Variants in ATP1B2 observed in about 807,000 individuals in gnomAD.
ATP1B2 encodes the protein sodium/potassium-transporting ATPase subunit beta-2.
In ATP1B2, 12 loss-of-function variants were observed where a neutral mutation model predicts 37.3. The observed-to-expected ratio is 0.32, with a 90% CI of 0.21 to 0.52. The LOEUF is 0.52. Among genes scored for constraint, ATP1B2 ranks in the 20% least tolerant of loss-of-function variants. The pLI is 0.96. For missense variants in ATP1B2, 324 were observed against 391.6 expected, an observed-to-expected ratio of 0.83 and a Z score of 1.46; for synonymous variants, 139 against 140.5, an observed-to-expected ratio of 0.99 and a Z score of 0.07.
chr17:7,654,901 C>G lies in ATP1B2; in HGVS notation c.609+217C>G, dbSNP rs1174345092. The G allele has an allele frequency of 3.5e-6, 2 of 566,678 alleles. No individual in the cohort carries two copies. The highest frequency in any genetic ancestry group is 4.3e-5 in the South Asian group (2 of 46,186). The allele number at this position is 566,678 out of a possible 1,614,324, so 35.1% of individuals were successfully genotyped here. On this transcript the variant is annotated intron_variant, in intron 5 of 6. Coordinates refer to ENST00000250111, the MANE Select transcript of ATP1B2 (RefSeq NM_001678.5). The surrounding 1 kb of genome is among the most constrained non-coding windows in gnomAD (Gnocchi z 4.9). ...CTTGCTTCTCTCTGGGATGCAGAGG[C>G]CTGCTCTCCTAGGGGCCAGACACAC...
Position 7,654,893 on chromosome 17 carries a change from T to C in ATP1B2, c.609+209T>C, listed in dbSNP as rs2072639667. The stretch of plus-strand genomic sequence containing the variant: ...GCACTCCTCTTGCTTCTCTCTGGGA[T>C]GCAGAGGCCTGCTCTCCTAGGGGCC... On this transcript the variant is annotated intron_variant, in intron 5 of 6. Transcript: ENST00000250111. This position sits in a 1 kb window ranked among gnomAD's most constrained non-coding sequence, Gnocchi z 4.9. 2 of 574,772 alleles carry C rather than the reference T, an allele frequency of 3.5e-6. No individual in the cohort carries two copies. The highest frequency in any genetic ancestry group is 3.1e-6 in the Non-Finnish European group (1 of 322,608). The allele number at this position is 574,772 out of a possible 1,614,324, so 35.6% of individuals were successfully genotyped here.
At chr17:7,647,830 A>AG (rs1474022084), upstream of ATP1B2, among the ~76,000 whole-genome samples, 2 of 150,164 alleles carry the variant, frequency 1.3e-5, no homozygotes, top group African/African-American at 4.9e-5. Flanking sequence ...AAAAAAGAAA[A>AG]AAAAAACATG....
At chr17:7,650,704 T>C (rs1314921231), upstream of ATP1B2, among the ~76,000 whole-genome samples, 3 of 152,050 alleles carry the variant, frequency 2.0e-5, no homozygotes, top group Admixed American at 1.3e-4. Flanking sequence ...CCTCTATCTC[T>C]TCCTCCCACC....
At position 7,654,237 on chromosome 17, in the gene ATP1B2, G is replaced by A. The variant is rs2072634829; in HGVS notation, c.532G>A (p.Val178Ile). 3 of 1,614,014 alleles carry A rather than the reference G, an allele frequency of 1.9e-6. No homozygotes were observed. Among genetic ancestry groups the A allele is most frequent in the East Asian group, 2.2e-5 (1 of 44,884 alleles). The change falls in exon 4 of 7, where the codon GTC becomes ATC. Residue 178 changes from valine to isoleucine, a missense_variant. Val to Ile is a conservative substitution (Grantham distance 29). Transcript: ENST00000250111. The surrounding 1 kb of genome is among the most constrained non-coding windows in gnomAD (Gnocchi z 4.9). The part of the protein sequence containing the change: ...HYGYSTGQPC[V>I]FIKMNRVINF... Reference sequence around the variant, plus strand: ...TGGTTACAGCACTGGGCAGCCCTGTGTCTTCATCAAGATGAACCGGGTATC... The same window carrying A: ...TGGTTACAGCACTGGGCAGCCCTGTATCTTCATCAAGATGAACCGGGTATC...
At position 7,653,852 on chromosome 17, in the gene ATP1B2, C is replaced by A. The variant is rs747095706; in HGVS notation, c.253C>A (p.Arg85Ser). The change falls in exon 3 of 7, where the codon CGC becomes AGC. Residue 85 changes from arginine (R) to serine (S), a missense_variant. Arg to Ser is a moderately radical substitution (Grantham distance 110, BLOSUM62 -1). Transcript: ENST00000250111. ...TTTGTTGGCTGTAGGCTTGATGATT[C>A]GCCCCAAGACTGAGAACCTTGATGT... ...DRLATPGLMI[R>S]PKTENLDVIV... The A allele has an allele frequency of 6.8e-6, 11 of 1,614,044 alleles. No individual in the cohort carries two copies. The highest frequency in any genetic ancestry group is 1.1e-5 in the South Asian group (1 of 91,070).
chr17:7,649,497 C>T (rs567970108), upstream of ATP1B2, among the ~76,000 whole-genome samples: 3 of 152,148 alleles, frequency 2.0e-5, no homozygotes, highest in Admixed American at 6.6e-5. Context: ...AAGCAATTCT[C>T]CTGCTTCAGC....
Sources: allele counts gnomAD v4.1 joint callset (sites outside exome capture counted in the v4.1 genomes callset), GRCh38; gene constraint gnomAD v4.1.1; non-coding constraint Gnocchi (gnomAD v3.1); transcripts MANE v1.5; gene names NCBI Gene and HGNC (gene_info 2026-07-23, HGNC 2026-07-21).